The following E2F3 variants were observed in gnomAD, a reference collection of about 807,000 sequenced individuals.
The protein encoded by E2F3 is E2F transcription factor 3, also known as transcription factor E2F3.
A neutral mutation model predicts 44.4 loss-of-function variants in E2F3; 11 were observed. That is an observed-to-expected ratio of 0.25 (90% CI 0.16 to 0.41). The LOEUF is 0.41. Ranked by LOEUF, E2F3 falls within the 10% of genes least tolerant of loss-of-function variation. E2F3 has a pLI of 1.00. For missense variants in E2F3, 487 were observed against 583.6 expected (o/e 0.83, Z 1.70); for synonymous variants, 249 against 253.0 (o/e 0.98, Z 0.15).
intron 5 of E2F3, among the ~76,000 whole-genome samples, chr6:20,487,258 G>A (rs1762421898): frequency 6.6e-6 from 1 of 152,106 alleles, no homozygotes; most frequent in Non-Finnish European, 1.5e-5. Context: ...AAAGTAGGGG[G>A]CATATTTTTG....
intron 1 of E2F3, among the ~76,000 whole-genome samples, chr6:20,424,657 T>C (rs146307478): frequency 7.3e-4 from 111 of 152,184 alleles, no homozygotes; most frequent in African/African-American, 2.6e-3. Flanking sequence ...CAAATTGAGC[T>C]TCTTCTCCCC....
At chr6:20,466,336 C>T (rs1010455269) in intron 1 of E2F3, among the ~76,000 whole-genome samples, 1 of 152,114 alleles carries the variant, frequency 6.6e-6, no homozygotes, top group Non-Finnish European at 1.5e-5. Flanking sequence ...TGATCTTGAA[C>T]TCTTGACCTC....
At chr6:20,458,248 G>A (rs1761380622) in intron 1 of E2F3, among the ~76,000 whole-genome samples, 1 of 152,120 alleles carries the variant, frequency 6.6e-6, no homozygotes, top group Non-Finnish European at 1.5e-5. Context: ...TGAGAGTGGA[G>A]GAATTTGACT....
At chr6:20,431,687 T>C (rs1760406322) in intron 1 of E2F3, among the ~76,000 whole-genome samples, 1 of 152,094 alleles carries the variant, frequency 6.6e-6, no homozygotes, top group Non-Finnish European at 1.5e-5. Flanking sequence ...TCTTCAATAA[T>C]ACACCCACCT....
chr6:20,463,947 A>T (rs767601560), intron 1 of E2F3, among the ~76,000 whole-genome samples: 23 of 152,162 alleles, frequency 1.5e-4, no homozygotes, highest in Non-Finnish European at 2.8e-4. Context: ...CTTGGGTTTG[A>T]TTAATTTGCC....
intron 1 of E2F3, among the ~76,000 whole-genome samples, chr6:20,452,920 C>T (rs567404981): frequency 6.6e-6 from 1 of 152,254 alleles, no homozygotes; most frequent in Admixed American, 6.5e-5. Context: ...CACCACTGTA[C>T]TCCAGCCTGG....
In E2F3 at chr6:20,456,576, C is replaced by T. The variant is rs1026373626; in HGVS notation, c.394-23270C>T. 4.6e-5 allele frequency among the ~76,000 whole-genome samples: 7 copies of T among 151,768 alleles called. No homozygotes were observed. The East Asian group carries it at 1.2e-3, about 25-fold the overall frequency. The stretch of plus-strand genomic sequence containing the variant: ...ATATTTTAGTGAGCAATGCAATGTG[C>T]GAATACAAATAGAAATAGATTTTGT... On this transcript the variant is annotated intron_variant, in intron 1 of 6. Transcript: ENST00000346618.
rs1409185276 is a variant in E2F3, at chr6:20,402,957, C to T, written c.393+332C>T. On this transcript the variant is annotated intron_variant, in intron 1 of 6. Coordinates refer to ENST00000346618, the MANE Select transcript of E2F3 (RefSeq NM_001949.5). The surrounding 1 kb of genome is among the most constrained non-coding windows in gnomAD (Gnocchi z 5.6). ...CTTCCCCTCCAACTCGAAGCTTCCTCTTTCTCGGGCGTAGGAAGGGGTCAC... is the reference window on the plus strand; with the variant it reads ...CTTCCCCTCCAACTCGAAGCTTCCTTTTTCTCGGGCGTAGGAAGGGGTCAC... Among the ~76,000 whole-genome samples the T allele has an allele frequency of 6.6e-6, 1 of 152,064 alleles. No homozygotes were observed. The highest frequency in any genetic ancestry group is 1.9e-4 in the East Asian group (1 of 5,164).
chr6:20,460,991 A>G (rs1761484089), intron 1 of E2F3, among the ~76,000 whole-genome samples: 1 of 65,632 alleles, frequency 1.5e-5, no homozygotes, highest in Non-Finnish European at 2.7e-5. Flanking sequence ...GCAAGACTCT[A>G]TCTCCAAAAA....
chr6:20,465,816 T>C (rs1304609406), intron 1 of E2F3, among the ~76,000 whole-genome samples: 1 of 152,140 alleles, frequency 6.6e-6, no homozygotes, highest in African/African-American at 2.4e-5. Context: ...ATCATATATA[T>C]ATATACCACA....
At chr6:20,457,020 T>C (rs1761328072) in intron 1 of E2F3, among the ~76,000 whole-genome samples, 1 of 151,874 alleles carries the variant, frequency 6.6e-6, no homozygotes, top group Non-Finnish European at 1.5e-5. Flanking sequence ...AGGAGGAGAG[T>C]CAGTGGGAGG....
intron 1 of E2F3, among the ~76,000 whole-genome samples, chr6:20,458,009 G>A (rs1445552597): frequency 6.6e-6 from 1 of 151,802 alleles, no homozygotes; most frequent in African/African-American, 2.4e-5. Flanking sequence ...ATCTTTTTAT[G>A]TTCATTTGAA....
intron 4 of E2F3, among the ~76,000 whole-genome samples, chr6:20,483,363 T>G (rs1369179982): frequency 6.6e-6 from 1 of 152,208 alleles, no homozygotes. Context: ...ACATTCTATT[T>G]TCTTCTCACC....
intron 1 of E2F3, among the ~76,000 whole-genome samples, chr6:20,437,154 G>A (rs1760614487): frequency 6.6e-6 from 1 of 152,172 alleles, no homozygotes; most frequent in African/African-American, 2.4e-5. Flanking sequence ...ATTATTCCCA[G>A]GTGGAGTGTA....
At chr6:20,405,746 C>G (rs1283025451) in intron 1 of E2F3, among the ~76,000 whole-genome samples, 1 of 151,870 alleles carries the variant, frequency 6.6e-6, no homozygotes, top group South Asian at 2.1e-4. Context: ...TCGCTTGACC[C>G]TGGGAAGCGG....
Position 20,436,484 on chromosome 6 carries a change from G to C in E2F3, c.393+33859G>C, listed in dbSNP as rs573873576. Among the ~76,000 whole-genome samples, 373 of 126,242 alleles carry C rather than the reference G, an allele frequency of 3.0e-3. 1 individual carries two copies. Among genetic ancestry groups the C allele is most frequent in the African/African-American group, 9.9e-3 (320 of 32,450 alleles). The allele number at this position is 126,242 out of a possible 152,430, so 82.8% of individuals were successfully genotyped here. A position where few individuals can be genotyped will look rare whatever the true frequency, so the allele number is the denominator to read the frequency against. On this transcript the variant is annotated intron_variant, in intron 1 of 6. Coordinates refer to ENST00000346618, the MANE Select transcript of E2F3 (RefSeq NM_001949.5). ...ACACACACACACACACACACAGAGA[G>C]AGAGAGAGAGAAAAATTTTGTAACG...
rs1410211831 is a variant in E2F3 at position 20,424,381 on chromosome 6, GTA to G, written c.393+21758_393+21759del. On this transcript the variant is annotated intron_variant, in intron 1 of 6. Transcript: ENST00000346618. ...TCAGAGAGACACAGAGAGAGTGTGT[GTA>G]TGTGTGTGTGTGTGTGTGTGTGTGT... Among the ~76,000 whole-genome samples, 25 of 46,684 alleles carry G rather than the reference GTA, an allele frequency of 5.4e-4. No individual in the cohort carries two copies. The South Asian group carries it at 0.013, about 24-fold the overall frequency. 30.6% of individuals were successfully genotyped at this position (46,684 alleles called of 152,430 possible). A position where few individuals can be genotyped will look rare whatever the true frequency, so the allele number is the denominator to read the frequency against.
chr6:20,434,114 A>C (rs1052841842), intron 1 of E2F3, among the ~76,000 whole-genome samples: 9 of 152,248 alleles, frequency 5.9e-5, no homozygotes, highest in Non-Finnish European at 8.8e-5. Flanking sequence ...ACAGCTGGTC[A>C]GAACAAGCTT....
chr6:20,426,177 A>C (rs1238791586), intron 1 of E2F3, among the ~76,000 whole-genome samples: 1 of 152,228 alleles, frequency 6.6e-6, no homozygotes, highest in Non-Finnish European at 1.5e-5. Flanking sequence ...TCTCATGTGC[A>C]TGTAATTAAT....
Sources: gnomAD v4.1 joint callset for allele counts (sites outside exome capture counted in the v4.1 genomes callset) on GRCh38, gnomAD v4.1.1 for gene constraint, Gnocchi (gnomAD v3.1) non-coding constraint, MANE v1.5 for transcripts, NCBI Gene and HGNC (gene_info 2026-07-23, HGNC 2026-07-21) for gene names.